RALGAPA2: variants seen among roughly 807,000 people sequenced by gnomAD.
The protein encoded by RALGAPA2 is Ral GTPase activating protein catalytic subunit alpha 2, also known as ral GTPase-activating protein subunit alpha-2.
Under a neutral mutation model 230.4 loss-of-function variants are expected in RALGAPA2, and 139 were observed. That is an observed-to-expected ratio of 0.60 (90% CI 0.53 to 0.69). RALGAPA2 has a LOEUF of 0.69. RALGAPA2 is among the 30% of genes least tolerant of loss of function. The pLI is 0.00. For synonymous variants in RALGAPA2, 847 were observed against 837.8 expected (o/e 1.01, Z -0.19); for missense variants, 2,163 against 2,276.0 (o/e 0.95, Z 1.01).
At chr20:20,443,602 G>A (rs2060791462) in intron 37 of RALGAPA2, among the ~76,000 whole-genome samples, 1 of 152,198 alleles carries the variant, frequency 6.6e-6, no homozygotes, top group Non-Finnish European at 1.5e-5. Context: ...TCAGGCTGCT[G>A]TGCAAGGCGT....
chr20:20,582,228 C>T (rs534504059), intron 20 of RALGAPA2, among the ~76,000 whole-genome samples: 1 of 151,404 alleles, frequency 6.6e-6, no homozygotes, highest in African/African-American at 2.4e-5. Flanking sequence ...CTGCAGACTA[C>T]ACCACACACA....
intron 37 of RALGAPA2, among the ~76,000 whole-genome samples, chr20:20,458,772 A>G (rs2061209788): frequency 7.4e-6 from 1 of 135,566 alleles, no homozygotes; most frequent in Non-Finnish European, 1.6e-5. Flanking sequence ...ATATATATAG[A>G]CCTATATATA....
At chr20:20,411,951 T>C in intron 38 of RALGAPA2, 76 bp downstream of exon 38, 13 of 1,559,190 alleles carry the variant, frequency 8.3e-6, no homozygotes, top group Non-Finnish European at 1.1e-5. Context: ...AAAGCATTTA[T>C]CTGTGAAAAA....
chr20:20,505,577 A>G (rs1025719451), intron 33 of RALGAPA2, 43 bp from the exon 34 acceptor site: 1 of 1,467,908 alleles, frequency 6.8e-7, no homozygotes. Context: ...TCTTATATGT[A>G]AAATTTTACT....
chr20:20,667,671 T>A (rs2068001435), intron 3 of RALGAPA2, among the ~76,000 whole-genome samples: 1 of 152,064 alleles, frequency 6.6e-6, no homozygotes, highest in African/African-American at 2.4e-5. Flanking sequence ...CAAATAAGAA[T>A]CTCCTACCAA....
chr20:20,443,597 C>T (rs747138949), intron 37 of RALGAPA2, among the ~76,000 whole-genome samples: 17 of 152,206 alleles, frequency 1.1e-4, no homozygotes, highest in Admixed American at 2.0e-4. Flanking sequence ...GCCTGTCAGG[C>T]TGCTGTGCAA....
At chr20:20,521,929 T>C (rs1364924424) in intron 30 of RALGAPA2, among the ~76,000 whole-genome samples, 1 of 152,232 alleles carries the variant, frequency 6.6e-6, no homozygotes. Context: ...CAGGTACCCT[T>C]TGTAAATAAG....
At chr20:20,405,184 T>G (rs757865219) in intron 38 of RALGAPA2, among the ~76,000 whole-genome samples, 1 of 152,194 alleles carries the variant, frequency 6.6e-6, no homozygotes, top group Non-Finnish European at 1.5e-5. Context: ...AATGGCATGG[T>G]CCATCTCAGG....
intron 38 of RALGAPA2, among the ~76,000 whole-genome samples, chr20:20,403,098 G>T (rs1218572004): frequency 6.6e-6 from 1 of 151,944 alleles, no homozygotes; most frequent in African/African-American, 2.4e-5. Context: ...CCCACCCCAG[G>T]TGTGTTGGAT....
At chr20:20,560,780 G>A (rs1487284607) in intron 23 of RALGAPA2, among the ~76,000 whole-genome samples, 8 of 152,142 alleles carry the variant, frequency 5.3e-5, no homozygotes, top group Non-Finnish European at 1.0e-4. Flanking sequence ...TCTGTGCCTG[G>A]AGAAAAATGT....
At position 20,616,048 on chromosome 20, in the gene RALGAPA2, C is replaced by A. The variant is rs1348994885; in HGVS notation, c.1683G>T (p.Lys561Asn). Residue 561 changes from lysine to asparagine, a missense_variant, in exon 13 of 40, where the codon AAG becomes AAT. Physicochemically the swap from Lys to Asn is moderately conservative, Grantham distance 94. Transcript: ENST00000202677. ...TTAATTTGATATAAACTTACCATGT[C>A]TTTTTATTCATTGTAAGCTCCATTA... is the stretch of plus-strand genomic sequence containing the variant. ...RMIMELTMNK[K>N]TWEQMLQILL... The A allele has an allele frequency of 1.1e-5, 16 of 1,500,512 alleles. No homozygotes were observed. The highest frequency in any genetic ancestry group is 1.3e-5 in the Non-Finnish European group (15 of 1,124,524). 92.9% of individuals were successfully genotyped at this position (1,500,512 alleles called of 1,614,324 possible). A position where few individuals can be genotyped will look rare whatever the true frequency, so the allele number is the denominator to read the frequency against.
intron 36 of RALGAPA2, 94 bp from the exon 37 acceptor site, chr20:20,473,050 G>A: frequency 7.5e-7 from 1 of 1,339,126 alleles, no homozygotes; most frequent in Non-Finnish European, 1.0e-6. Flanking sequence ...CCTGCAATGA[G>A]CACTTAAGCT....
At chr20:20,492,443 A>T (rs570772431) in intron 36 of RALGAPA2, among the ~76,000 whole-genome samples, 1 of 152,218 alleles carries the variant, frequency 6.6e-6, no homozygotes, top group African/African-American at 2.4e-5. Context: ...TAAGAAAAAA[A>T]TACGGATTTT....
intron 9 of RALGAPA2, among the ~76,000 whole-genome samples, chr20:20,633,048 CTTCCT>C (rs199930215): frequency 0.011 from 1,646 of 146,458 alleles, 27 homozygotes; most frequent in African/African-American, 0.04. Flanking sequence ...TTTTTCTTTC[CTTCCT>C]TTCTTTCTTT....
chr20:20,442,671 C>A (rs1473932549), intron 37 of RALGAPA2, among the ~76,000 whole-genome samples: 3 of 152,230 alleles, frequency 2.0e-5, no homozygotes. Context: ...GTTCCAGTAA[C>A]ATTATCTCTG....
rs1412167170 is a variant in RALGAPA2, at chr20:20,437,941, A to G, written c.5496-25793T>C. 2.0e-5 allele frequency among the ~76,000 whole-genome samples: 3 copies of G among 152,176 alleles called. No homozygotes were observed. Among genetic ancestry groups the G allele is most frequent in the Non-Finnish European group, 4.4e-5 (3 of 68,034 alleles). The stretch of plus-strand genomic sequence containing the variant: ...TCGCAGGCTAGCTGGCTGAAGGAAC[A>G]ACACTGCAGTGGTTCCAGTGGATCC... On this transcript the variant is annotated intron_variant, in intron 37 of 39. Coordinates refer to ENST00000202677, the MANE Select transcript of RALGAPA2 (RefSeq NM_020343.4). This position sits in a 1 kb window ranked among gnomAD's most constrained non-coding sequence, Gnocchi z 4.1.
intron 23 of RALGAPA2, among the ~76,000 whole-genome samples, chr20:20,563,784 T>C (rs1331978996): frequency 6.6e-6 from 1 of 152,044 alleles, no homozygotes. Flanking sequence ...TACCAATCAG[T>C]ACTACATCCT....
At chr20:20,458,583 A>G (rs1255256548) in intron 37 of RALGAPA2, among the ~76,000 whole-genome samples, 1 of 121,006 alleles carries the variant, frequency 8.3e-6, no homozygotes, top group African/African-American at 3.6e-5. Flanking sequence ...TATATATACC[A>G]ATACAATAAG....
chr20:20,501,547 T>C (rs2062376017), intron 35 of RALGAPA2, among the ~76,000 whole-genome samples: 1 of 152,226 alleles, frequency 6.6e-6, no homozygotes, highest in African/African-American at 2.4e-5. Context: ...AAGGGAATGT[T>C]GTGGCTGGTT....
Sources: allele counts gnomAD v4.1 joint callset (sites outside exome capture counted in the v4.1 genomes callset), GRCh38; gene constraint gnomAD v4.1.1; non-coding constraint Gnocchi (gnomAD v3.1); transcripts MANE v1.5; gene names NCBI Gene and HGNC (gene_info 2026-07-23, HGNC 2026-07-21).